The following SLC68A1 variants were observed in gnomAD, a reference collection of about 807,000 sequenced individuals.
SLC68A1 encodes the protein major facilitator superfamily domain containing 13A.
At chr10:102,470,677 G>A in the SLC68A1 span, 1 of 1,608,630 alleles carries the variant, frequency 6.2e-7, no homozygotes, top group Non-Finnish European at 8.5e-7. Context: ...CAGGCGCCGG[G>A]CTCTCCTCAA....
the SLC68A1 span, among the ~76,000 whole-genome samples, chr10:102,464,992 T>C: frequency 6.6e-6 from 1 of 151,600 alleles, no homozygotes; most frequent in African/African-American, 2.4e-5. Context: ...TGGAGGCTCA[T>C]GGCTGCAATC....
chr10:102,469,542 A>G, the SLC68A1 span, among the ~76,000 whole-genome samples: 1 of 112,226 alleles, frequency 8.9e-6, no homozygotes, highest in Non-Finnish European at 2.1e-5. Context: ...CTGGCAGAGT[A>G]GGTTTTTTTG....
chr10:102,467,253 C>T, the SLC68A1 span, among the ~76,000 whole-genome samples: 3 of 152,192 alleles, frequency 2.0e-5, no homozygotes, highest in Admixed American at 2.0e-4. Flanking sequence ...CCAGACTGGT[C>T]TCAAATTCCT....
chr10:102,476,903 G>A, the SLC68A1 span: 2 of 985,410 alleles, frequency 2.0e-6, no homozygotes, highest in African/African-American at 3.5e-5. Context: ...CCCTTCTAGT[G>A]GTTTCTCTGA....
At chr10:102,476,711 CAAG>C in the SLC68A1 span, 54 of 986,068 alleles carry the variant, frequency 5.5e-5, no homozygotes, top group Non-Finnish European at 6.0e-5. Context: ...AGAAGAGGAC[CAAG>C]AAGGGAGGGG....
chr10:102,466,393 G>T, the SLC68A1 span, among the ~76,000 whole-genome samples: 59 of 149,020 alleles, frequency 4.0e-4, no homozygotes, highest in Non-Finnish European at 7.5e-4. Flanking sequence ...TGAGGTGGGA[G>T]AATTGCTTGA....
the SLC68A1 span, chr10:102,476,764 G>A: frequency 3.0e-6 from 3 of 985,940 alleles, no homozygotes; most frequent in Non-Finnish European, 3.6e-6. Context: ...TGGGGCGTGG[G>A]AGCCCATCCC....
At chr10:102,469,993 A>T in the SLC68A1 span, 2 of 1,613,758 alleles carry the variant, frequency 1.2e-6, no homozygotes, top group Non-Finnish European at 1.7e-6. Flanking sequence ...CTGCCTGCAG[A>T]CAGTGTTTCT....
the SLC68A1 span, chr10:102,476,438 CAA>C: frequency 1.1e-6 from 1 of 883,686 alleles, no homozygotes; most frequent in Non-Finnish European, 1.4e-6. Flanking sequence ...CTCCTGACCT[CAA>C]GTGATCTGCC....
the SLC68A1 span, chr10:102,473,551 TC>T: frequency 6.3e-7 from 1 of 1,575,014 alleles, no homozygotes; most frequent in Non-Finnish European, 8.6e-7. Context: ...ACAAGGTGGC[TC>T]CCCGTCTTCC....
the SLC68A1 span, chr10:102,471,466 AG>A: frequency 1.5e-5 from 23 of 1,580,478 alleles, no homozygotes; most frequent in South Asian, 2.5e-4. Context: ...ACTCCTCAAG[AG>A]CTGGGAACTT....
At chr10:102,474,562 T>C in the SLC68A1 span, among the ~76,000 whole-genome samples, 1 of 152,024 alleles carries the variant, frequency 6.6e-6, no homozygotes, top group Non-Finnish European at 1.5e-5. Flanking sequence ...CAGGGGTGAT[T>C]AGGAAATGTG....
chr10:102,471,986 C>T, the SLC68A1 span: 1 of 455,824 alleles, frequency 2.2e-6, no homozygotes, highest in African/African-American at 2.0e-5. Flanking sequence ...TTTGGGGACC[C>T]TCTAACAATC....
the SLC68A1 span, chr10:102,471,073 G>C: frequency 6.2e-7 from 1 of 1,613,894 alleles, no homozygotes; most frequent in Non-Finnish European, 8.5e-7. Flanking sequence ...GGGTTGAGGC[G>C]GCCCGAAAGG....
chr10:102,470,884 C>G, the SLC68A1 span: 1 of 1,613,054 alleles, frequency 6.2e-7, no homozygotes, highest in Non-Finnish European at 8.5e-7. Flanking sequence ...TCTCAGCCCA[C>G]GACCGCACCC....
At chr10:102,476,140 G>C in the SLC68A1 span, 7 of 1,295,972 alleles carry the variant, frequency 5.4e-6, no homozygotes, top group Non-Finnish European at 7.0e-6. Context: ...GTGCAATCTG[G>C]GCTCACTGAA....
chr10:102,464,009 A>C, the SLC68A1 span, among the ~76,000 whole-genome samples: 1 of 152,162 alleles, frequency 6.6e-6, no homozygotes, highest in African/African-American at 2.4e-5. Flanking sequence ...TCAATCATGG[A>C]TTTGGCAGAA....
the SLC68A1 span, among the ~76,000 whole-genome samples, chr10:102,464,736 G>A: frequency 2.1e-5 from 3 of 145,690 alleles, no homozygotes; most frequent in Admixed American, 1.4e-4. Flanking sequence ...GTTGCAGTAA[G>A]CCGAGATTGT....
At chr10:102,474,131 C>T in the SLC68A1 span, 1 of 1,027,068 alleles carries the variant, frequency 9.7e-7, no homozygotes, top group African/African-American at 1.6e-5. Flanking sequence ...CTGGCGTCCC[C>T]TCAACATGGC....
Sources: gnomAD v4.1 joint callset for allele counts (sites outside exome capture counted in the v4.1 genomes callset) on GRCh38, gnomAD v4.1.1 for gene constraint, MANE v1.5 for transcripts, NCBI Gene and HGNC (gene_info 2026-07-23, HGNC 2026-07-21) for gene names.